Variants in PLCB1 observed in about 807,000 individuals in gnomAD.
PLCB1 encodes the protein 1-phosphatidylinositol 4,5-bisphosphate phosphodiesterase beta-1.
Under a neutral mutation model 161.8 loss-of-function variants are expected in PLCB1, and 46 were observed. That is an observed-to-expected ratio of 0.28 (90% confidence interval 0.22 to 0.36). PLCB1 has a LOEUF of 0.36. PLCB1 is among the 10% of genes least tolerant of loss of function. The pLI is 1.00. For missense variants in PLCB1, 1,016 were observed against 1,472.5 expected (o/e 0.69, Z 5.07); for synonymous variants, 517 against 503.7 (o/e 1.03, Z -0.35).
At chr20:8,556,369 C>T (rs781035791) in intron 3 of PLCB1, among the ~76,000 whole-genome samples, 3 of 152,020 alleles carry the variant, frequency 2.0e-5, no homozygotes, top group Non-Finnish European at 4.4e-5. Flanking sequence ...AATGAACAAG[C>T]CTCTGCCACT....
chr20:8,226,551 A>G (rs1476427296), intron 2 of PLCB1, among the ~76,000 whole-genome samples: 4 of 152,238 alleles, frequency 2.6e-5, no homozygotes, highest in Admixed American at 2.0e-4. Context: ...TCTCCTTTAT[A>G]TTATAACCTC....
At chr20:8,150,422 GA>G in intron 2 of PLCB1, 51 bp downstream of exon 2, 2 of 799,514 alleles carry the variant, frequency 2.5e-6, no homozygotes, top group Non-Finnish European at 4.1e-6. Context: ...TTACTACTTT[GA>G]AAAGTATTTA....
chr20:8,246,103 TA>T (rs1271179740), intron 2 of PLCB1, among the ~76,000 whole-genome samples: 1 of 151,938 alleles, frequency 6.6e-6, no homozygotes, highest in Admixed American at 6.6e-5. Context: ...ATGATCTCAT[TA>T]CATTGCCAAT....
intron 3 of PLCB1, chr20:8,625,249 G>A (rs759612037): frequency 4.6e-5 from 7 of 152,058 alleles, no homozygotes; most frequent in East Asian, 1.9e-4. Flanking sequence ...CAGTTTGTCC[G>A]TCCAGACAAT....
At chr20:8,396,847 TTATC>T (rs1987784060) in intron 3 of PLCB1, among the ~76,000 whole-genome samples, 1 of 152,222 alleles carries the variant, frequency 6.6e-6, no homozygotes, top group South Asian at 2.1e-4. Flanking sequence ...TTTTTAATAT[TTATC>T]AGTTGTATAG....
chr20:8,338,606 G>A lies in PLCB1; in HGVS notation c.178-32776G>A, dbSNP rs576450699. On this transcript the variant is annotated intron_variant, in intron 2 of 31. Coordinates refer to ENST00000338037, the MANE Select transcript of PLCB1 (RefSeq NM_015192.4). ...GCTGTCAGAACAAGAAAAGTTTTTT[G>A]TACAATTTTTAATCTTGTATATTAA... is the stretch of plus-strand genomic sequence containing the variant. 5.2e-4 allele frequency among the ~76,000 whole-genome samples: 79 copies of A among 152,166 alleles called. 1 individual carries two copies. Among genetic ancestry groups the A allele is most frequent in the African/African-American group, 1.8e-3 (74 of 41,514 alleles).
chr20:8,818,664 A>G (rs1306088950), intron 31 of PLCB1, among the ~76,000 whole-genome samples: 1 of 152,212 alleles, frequency 6.6e-6, no homozygotes, highest in Admixed American at 6.5e-5. Flanking sequence ...CATAACAAGT[A>G]AAGTTATTAT....
chr20:8,459,194 C>T (rs986759250), intron 3 of PLCB1, among the ~76,000 whole-genome samples: 1 of 152,078 alleles, frequency 6.6e-6, no homozygotes, highest in Admixed American at 6.6e-5. Context: ...CTACTCATCT[C>T]CGAGGAAAAG....
intron 2 of PLCB1, chr20:8,248,786 T>C (rs550155209): frequency 2.0e-5 from 3 of 152,040 alleles, no homozygotes; most frequent in African/African-American, 7.2e-5. Context: ...AATCTGAATG[T>C]GGCTGTGAGT....
At chr20:8,149,667 A>G (rs2051489727) in intron 1 of PLCB1, among the ~76,000 whole-genome samples, 1 of 152,170 alleles carries the variant, frequency 6.6e-6, no homozygotes, top group South Asian at 2.1e-4. Context: ...AAAAGAACAC[A>G]TATTTTAGAA....
intron 31 of PLCB1, among the ~76,000 whole-genome samples, chr20:8,861,374 C>T (rs1987247686): frequency 6.6e-6 from 1 of 152,146 alleles, no homozygotes; most frequent in Admixed American, 6.5e-5. Context: ...TTGGTGAGTT[C>T]AGTCATTTTC....
chr20:8,480,376 G>A (rs1982450593), intron 3 of PLCB1, among the ~76,000 whole-genome samples: 1 of 152,188 alleles, frequency 6.6e-6, no homozygotes, highest in African/African-American at 2.4e-5. Context: ...CAAACTTGAA[G>A]CATTGAAAAA....
chr20:8,188,690 G>A (rs192934661), intron 2 of PLCB1, among the ~76,000 whole-genome samples: 8 of 152,196 alleles, frequency 5.3e-5, no homozygotes, highest in Admixed American at 3.9e-4. Flanking sequence ...TGTAATCTCT[G>A]AGCCATATAA....
intron 1 of PLCB1, among the ~76,000 whole-genome samples, chr20:8,137,197 A>G (rs1316266606): frequency 6.6e-6 from 1 of 152,214 alleles, no homozygotes; most frequent in Non-Finnish European, 1.5e-5. Flanking sequence ...AAAAGCTTAG[A>G]ACTTTTGCAT....
intron 3 of PLCB1, among the ~76,000 whole-genome samples, chr20:8,451,488 C>T (rs1230807419): frequency 6.6e-6 from 1 of 152,110 alleles, no homozygotes; most frequent in Non-Finnish European, 1.5e-5. Context: ...GCTGGGACCA[C>T]AGGTGGGCGT....
At chr20:8,500,339 T>C (rs1983354248) in intron 3 of PLCB1, among the ~76,000 whole-genome samples, 1 of 152,214 alleles carries the variant, frequency 6.6e-6, no homozygotes, top group South Asian at 2.1e-4. Flanking sequence ...CACATACATT[T>C]ACATTCGGAT....
At chr20:8,320,519 A>G (rs766331309) in intron 2 of PLCB1, among the ~76,000 whole-genome samples, 1 of 152,142 alleles carries the variant, frequency 6.6e-6, no homozygotes, top group Non-Finnish European at 1.5e-5. Context: ...CAGGCTCAGA[A>G]CCCTAAACCC....
intron 27 of PLCB1, among the ~76,000 whole-genome samples, chr20:8,775,087 T>C (rs1002799283): frequency 4.6e-5 from 7 of 150,818 alleles, no homozygotes; most frequent in Non-Finnish European, 8.9e-5. Context: ...TTTTTTTTTT[T>C]TTTTTTTTTG....
Position 8,765,278 on chromosome 20 carries a change from C to G in PLCB1, c.2850C>G (p.Thr950=). The change falls in exon 26 of 32, where the codon ACC becomes ACG. Residue 950 remains threonine (T), a synonymous_variant. Coordinates refer to ENST00000338037, the MANE Select transcript of PLCB1 (RefSeq NM_015192.4). ...CTGACCTTATCAAAGAACACACTAC[C>G]AAGTATAATGAAATTCAGAATGACT... ...KTTDLIKEHT[T]KYNEIQNDYL... is the part of the protein sequence containing the mutation. 1 of 1,613,984 alleles carries G rather than the reference C, an allele frequency of 6.2e-7. No individual in the cohort carries two copies. Among genetic ancestry groups the G allele is most frequent in the Middle Eastern group, 1.6e-4 (1 of 6,062 alleles).
Sources: gnomAD v4.1 joint callset for allele counts (sites outside exome capture counted in the v4.1 genomes callset) on GRCh38, gnomAD v4.1.1 for gene constraint, MANE v1.5 for transcripts, NCBI Gene and HGNC (gene_info 2026-07-23, HGNC 2026-07-21) for gene names.